EIPR1: variants seen among roughly 807,000 people sequenced by gnomAD.
The protein encoded by EIPR1 is EARP complex and GARP complex interacting protein 1.
Under a neutral mutation model 48.1 loss-of-function variants are expected in EIPR1, and 25 were observed. The observed-to-expected ratio is 0.52, with a 90% CI of 0.38 to 0.73. The LOEUF (loss-of-function observed/expected upper bound fraction) is 0.73. EIPR1 is among the 30% of genes least tolerant of loss of function. EIPR1 has a pLI of 0.00. For synonymous variants in EIPR1, 204 were observed against 201.9 expected (o/e 1.01, Z -0.09); for missense variants, 415 against 506.2 (o/e 0.82, Z 1.73).
At chr2:3,351,733 C>A (rs1015238537) in intron 2 of EIPR1, among the ~76,000 whole-genome samples, 1 of 152,098 alleles carries the variant, frequency 6.6e-6, no homozygotes, top group African/African-American at 2.4e-5. Flanking sequence ...ATTCGGAAAA[C>A]AAAACATTAG....
At chr2:3,201,768 G>A (rs1192998148) in intron 5 of EIPR1, among the ~76,000 whole-genome samples, 5 of 152,190 alleles carry the variant, frequency 3.3e-5, no homozygotes, top group Non-Finnish European at 7.3e-5. Flanking sequence ...AGCAATGATG[G>A]AATACAGTTT....
intron 3 of EIPR1, among the ~76,000 whole-genome samples, chr2:3,279,903 A>G (rs1314641710): frequency 6.6e-6 from 1 of 152,268 alleles, no homozygotes; most frequent in Non-Finnish European, 1.5e-5. Context: ...AAGAAGTAAC[A>G]GGACCTCATC....
intron 1 of EIPR1, among the ~76,000 whole-genome samples, chr2:3,371,989 T>A (rs988815331): frequency 6.6e-6 from 1 of 151,780 alleles, no homozygotes; most frequent in African/African-American, 2.4e-5. Context: ...GAAGTAAAGC[T>A]CTCCTCAGCA....
intron 3 of EIPR1, among the ~76,000 whole-genome samples, chr2:3,310,067 A>T (rs563447369): frequency 3.3e-5 from 5 of 152,174 alleles, no homozygotes; most frequent in Non-Finnish European, 7.3e-5. Context: ...ACAAGCAAGA[A>T]CAGCCCCTGA....
intron 2 of EIPR1, among the ~76,000 whole-genome samples, chr2:3,351,026 T>C (rs1670560168): frequency 7.6e-6 from 1 of 132,050 alleles, no homozygotes; most frequent in Admixed American, 8.0e-5. Context: ...TTAGACAGAG[T>C]CTCGCTCTGT....
intron 4 of EIPR1, among the ~76,000 whole-genome samples, chr2:3,234,184 C>T (rs750212625): frequency 6.6e-6 from 1 of 152,164 alleles, no homozygotes; most frequent in Non-Finnish European, 1.5e-5. Context: ...AATGAGGGCA[C>T]ATGTGTTTGG....
intron 5 of EIPR1, among the ~76,000 whole-genome samples, 170 bp from the exon 6 acceptor site, chr2:3,197,187 C>G (rs779231007): frequency 2.0e-5 from 3 of 152,110 alleles, no homozygotes; most frequent in Non-Finnish European, 4.4e-5. Context: ...CAAAAATGAA[C>G]CTTACTTGGG....
At chr2:3,206,738 A>C (rs1665250230) in intron 5 of EIPR1, among the ~76,000 whole-genome samples, 1 of 151,810 alleles carries the variant, frequency 6.6e-6, no homozygotes, top group Non-Finnish European at 1.5e-5. Context: ...CCATGAGTAC[A>C]GATCAGAATT....
chr2:3,276,136 T>C (rs977663341), intron 3 of EIPR1, among the ~76,000 whole-genome samples: 1 of 152,290 alleles, frequency 6.6e-6, no homozygotes, highest in South Asian at 2.1e-4. Flanking sequence ...CACAGATAAA[T>C]TGTCAAGATA....
At chr2:3,264,764 T>C (rs1448446544) in intron 3 of EIPR1, among the ~76,000 whole-genome samples, 1 of 152,242 alleles carries the variant, frequency 6.6e-6, no homozygotes, top group Non-Finnish European at 1.5e-5. Flanking sequence ...CTCGGCTCAC[T>C]GCAACCTCCG....
intron 3 of EIPR1, among the ~76,000 whole-genome samples, chr2:3,330,366 C>G (rs1055304803): frequency 6.6e-6 from 1 of 152,178 alleles, no homozygotes; most frequent in African/African-American, 2.4e-5. Context: ...GTCACAAAGA[C>G]ACAAAAGGGG....
intron 2 of EIPR1, among the ~76,000 whole-genome samples, chr2:3,344,299 T>C (rs1670337785): frequency 6.6e-6 from 1 of 152,240 alleles, no homozygotes; most frequent in Admixed American, 6.5e-5. Context: ...TGCAGAATAC[T>C]GAATACTGCC....
At chr2:3,294,474 C>A (rs1285480459) in intron 3 of EIPR1, among the ~76,000 whole-genome samples, 1 of 143,780 alleles carries the variant, frequency 7.0e-6, no homozygotes, top group African/African-American at 2.6e-5. Context: ...CTCCATCCAG[C>A]CCATCCTCCC....
chr2:3,217,644 A>C (rs1286182473), intron 4 of EIPR1, among the ~76,000 whole-genome samples: 1 of 152,200 alleles, frequency 6.6e-6, no homozygotes, highest in African/African-American at 2.4e-5. Flanking sequence ...ATTAGTGGAG[A>C]AGCCGCCCTC....
At position 3,208,436 on chromosome 2, in the gene EIPR1, C is replaced by T. The variant is rs1021186581; in HGVS notation, c.516+5713G>A. Reference sequence around the variant, plus strand: ...CAGACCACGTCACCTTCAGACACTTCCTCTGCTTCCGTCGTTAGCTTTCCT... The same window carrying T: ...CAGACCACGTCACCTTCAGACACTTTCTCTGCTTCCGTCGTTAGCTTTCCT... On this transcript the variant is annotated intron_variant, in intron 5 of 8. Transcript: ENST00000382125. 1.1e-4 allele frequency: 157 copies of T among 1,477,696 alleles called. No individual in the cohort carries two copies. In the African/African-American group the frequency reaches 1.9e-3, roughly 18 times the overall value. 91.5% of individuals were successfully genotyped at this position (1,477,696 alleles called of 1,614,324 possible).
chr2:3,199,584 G>A (rs1471759845), intron 5 of EIPR1, among the ~76,000 whole-genome samples: 19 of 152,230 alleles, frequency 1.2e-4, no homozygotes, highest in Admixed American at 1.2e-3. Flanking sequence ...CCACTGGGGG[G>A]ACAGGGTACC....
chr2:3,222,807 C>T (rs538668248), intron 4 of EIPR1, among the ~76,000 whole-genome samples: 27 of 152,240 alleles, frequency 1.8e-4, no homozygotes, highest in African/African-American at 6.0e-4. Flanking sequence ...GAGACCAGAT[C>T]GAGATATCAT....
At chr2:3,264,039 T>C (rs571194481) in intron 3 of EIPR1, among the ~76,000 whole-genome samples, 1 of 152,334 alleles carries the variant, frequency 6.6e-6, no homozygotes, top group East Asian at 1.9e-4. Context: ...TCAGTTACCA[T>C]GATACATTGT....
At chr2:3,218,558 A>G (rs1166454128) in intron 4 of EIPR1, among the ~76,000 whole-genome samples, 2 of 132,918 alleles carry the variant, frequency 1.5e-5, no homozygotes, top group Admixed American at 7.9e-5. Context: ...ACCCTGGTAT[A>G]CTCTAGAGCT....
Sources: gnomAD v4.1 joint callset for allele counts (sites outside exome capture counted in the v4.1 genomes callset) on GRCh38, gnomAD v4.1.1 for gene constraint, MANE v1.5 for transcripts, NCBI Gene and HGNC (gene_info 2026-07-23, HGNC 2026-07-21) for gene names.